Variants in ALPK2 observed in about 807,000 individuals in gnomAD.
ALPK2 encodes alpha kinase 2.
In ALPK2, 127 loss-of-function variants were observed where a neutral mutation model predicts 163.1. That is an observed-to-expected ratio of 0.78 (90% CI 0.67 to 0.90). The LOEUF is 0.90. Ranked by LOEUF, ALPK2 falls within the 40% of genes least tolerant of loss-of-function variation. The pLI is 0.00. For synonymous variants in ALPK2, 953 were observed against 959.1 expected, an observed-to-expected ratio of 0.99 and a Z score of 0.12; for missense variants, 2,360 against 2,589.6, an observed-to-expected ratio of 0.91 and a Z score of 1.92.
chr18:58,580,922 T>C lies in ALPK2; in HGVS notation c.228-374A>G, dbSNP rs545046235. On this transcript the variant is annotated intron_variant, in intron 3 of 12. Transcript: ENST00000361673. ...GCCCACCCCTTTCTTGGAAAACTCATGAATAATTCCACCCCTTATTTAGCA... is the reference window on the plus strand; with the variant it reads ...GCCCACCCCTTTCTTGGAAAACTCACGAATAATTCCACCCCTTATTTAGCA... 9.3e-4 allele frequency: 170 copies of C among 181,904 alleles called. 3 individuals are homozygous for C. The highest frequency in any genetic ancestry group is 8.2e-3 in the Admixed American group (148 of 17,980). 11.3% of individuals were successfully genotyped at this position (181,904 alleles called of 1,614,324 possible).
intron 4 of ALPK2, among the ~76,000 whole-genome samples, chr18:58,565,795 C>T (rs1602221325): frequency 6.7e-6 from 1 of 150,362 alleles, no homozygotes; most frequent in Admixed American, 6.7e-5. Context: ...TTCTTCCTTT[C>T]TTCCTTTCTT....
At chr18:58,610,115 A>G (rs1199438290) in intron 2 of ALPK2, among the ~76,000 whole-genome samples, 1 of 152,030 alleles carries the variant, frequency 6.6e-6, no homozygotes, top group Non-Finnish European at 1.5e-5. Flanking sequence ...TTCTACTAAA[A>G]ATACAAAAAT....
At chr18:58,485,706 C>G (rs1199202726) in intron 12 of ALPK2, among the ~76,000 whole-genome samples, 1 of 152,200 alleles carries the variant, frequency 6.6e-6, no homozygotes, top group East Asian at 1.9e-4. Context: ...GTCAGTGTTT[C>G]CTGTATGCCT....
At chr18:58,563,175 T>A (rs1369271805) in intron 4 of ALPK2, among the ~76,000 whole-genome samples, 2 of 152,224 alleles carry the variant, frequency 1.3e-5, no homozygotes, top group Non-Finnish European at 2.9e-5. Context: ...CAACACTCAT[T>A]TTTAGAGCCC....
intron 3 of ALPK2, among the ~76,000 whole-genome samples, chr18:58,599,371 A>G (rs1465583422): frequency 6.6e-6 from 1 of 152,196 alleles, no homozygotes; most frequent in Non-Finnish European, 1.5e-5. Flanking sequence ...TGCCACGGGA[A>G]CCTGCCTCAG....
Position 58,489,728 on chromosome 18 carries a change from G to A in ALPK2, c.6297-7689C>T, listed in dbSNP as rs188347485. Among the ~76,000 whole-genome samples, 402 of 152,038 alleles carry A rather than the reference G, an allele frequency of 2.6e-3. 1 individual carries two copies. Among genetic ancestry groups the A allele is most frequent in the Non-Finnish European group, 4.2e-3 (283 of 67,986 alleles). On this transcript the variant is annotated intron_variant, in intron 12 of 12. Coordinates refer to ENST00000361673, the MANE Select transcript of ALPK2 (RefSeq NM_052947.4). ...TAATAATATCTTTCCTTGTCCCTAG[G>A]ACATTCAAAATACACATCAGCTCTT...
chr18:58,566,554 A>T (rs547192679), intron 4 of ALPK2: 1 of 152,216 alleles, frequency 6.6e-6, no homozygotes, highest in Non-Finnish European at 1.5e-5. Context: ...CAGGCAGTAG[A>T]TTTGTTACAG....
intron 12 of ALPK2, among the ~76,000 whole-genome samples, chr18:58,489,863 G>A (rs1447794919): frequency 7.2e-5 from 11 of 152,026 alleles, no homozygotes; most frequent in Admixed American, 3.3e-4. Flanking sequence ...TTGGGAGGCC[G>A]AGGCTGGTGG....
At chr18:58,585,764 A>T (rs2051983478) in intron 3 of ALPK2, among the ~76,000 whole-genome samples, 1 of 146,472 alleles carries the variant, frequency 6.8e-6, no homozygotes, top group Admixed American at 7.1e-5. Context: ...GCTCACTGCA[A>T]CCTCCACCTC....
intron 1 of ALPK2, among the ~76,000 whole-genome samples, chr18:58,626,989 A>C (rs574731685): frequency 6.6e-6 from 1 of 152,302 alleles, no homozygotes; most frequent in South Asian, 2.1e-4. Flanking sequence ...CTAATCCCCC[A>C]TCAATCCTGT....
intron 2 of ALPK2, 109 bp from the exon 3 acceptor site, chr18:58,607,548 G>A: frequency 4.6e-6 from 3 of 651,526 alleles, no homozygotes; most frequent in Admixed American, 3.2e-5. Flanking sequence ...CAGGGATGAG[G>A]ATGATGGATT....
intron 5 of ALPK2, among the ~76,000 whole-genome samples, chr18:58,533,974 C>T (rs2051629703): frequency 6.6e-6 from 1 of 152,112 alleles, no homozygotes; most frequent in Non-Finnish European, 1.5e-5. Context: ...GCTTTTCGCT[C>T]CAGAGCACAC....
chr18:58,554,848 G>A (rs766355056), intron 4 of ALPK2, among the ~76,000 whole-genome samples: 1 of 152,186 alleles, frequency 6.6e-6, no homozygotes, highest in Non-Finnish European at 1.5e-5. Flanking sequence ...GACCCCATGG[G>A]AGGTAATTGA....
chr18:58,581,215 G>A (rs2051957407), intron 3 of ALPK2, among the ~76,000 whole-genome samples: 1 of 152,180 alleles, frequency 6.6e-6, no homozygotes, highest in Non-Finnish European at 1.5e-5. Context: ...ACACAAATAA[G>A]TAAAATACAA....
At chr18:58,609,954 C>A (rs1217507080) in intron 2 of ALPK2, among the ~76,000 whole-genome samples, 5 of 152,044 alleles carry the variant, frequency 3.3e-5, no homozygotes, top group Admixed American at 3.3e-4. Context: ...AGGCTGAGCG[C>A]ACAGTTCTAC....
In ALPK2 at chr18:58,580,148, C is replaced by G. The variant is rs1381938639; in HGVS notation, c.628G>C (p.Glu210Gln). Residue 210 changes from glutamate (E) to glutamine (Q), a missense_variant, in exon 4 of 13, where the codon GAA becomes CAA. Coordinates refer to ENST00000361673, the MANE Select transcript of ALPK2 (RefSeq NM_052947.4). ...AGAAAAAGCAACCCATTTGCAATTT[C>G]TTCTGTGTTACTTGGATCATAAGCC... The part of the protein sequence containing the change: ...GEAYDPSNTE[E>Q]IANGLLFLNS... The G allele has an allele frequency of 3.1e-6, 5 of 1,614,094 alleles. No individual in the cohort carries two copies. In the East Asian group the frequency reaches 1.1e-4, roughly 36 times the overall value.
intron 8 of ALPK2, 90 bp downstream of exon 8, chr18:58,523,716 G>T: frequency 6.5e-7 from 1 of 1,527,538 alleles, no homozygotes; most frequent in Non-Finnish European, 9.1e-7. Context: ...AGAGTCCAGA[G>T]GATTACTGCT....
intron 12 of ALPK2, 102 bp downstream of exon 12, chr18:58,497,947 G>A: frequency 2.0e-6 from 2 of 1,007,866 alleles, no homozygotes; most frequent in South Asian, 2.7e-5. Flanking sequence ...CCACAGTTAG[G>A]ACAAGAAATT....
At chr18:58,571,848 C>T (rs565278806) in intron 4 of ALPK2, among the ~76,000 whole-genome samples, 19 of 151,946 alleles carry the variant, frequency 1.3e-4, no homozygotes, top group South Asian at 4.2e-4. Flanking sequence ...TGGTGGCAGG[C>T]GCCTGTAATC....
Sources: allele counts gnomAD v4.1 joint callset (sites outside exome capture counted in the v4.1 genomes callset), GRCh38; gene constraint gnomAD v4.1.1; transcripts MANE v1.5; gene names NCBI Gene and HGNC (gene_info 2026-07-23, HGNC 2026-07-21).